PTPRD: variants seen among roughly 807,000 people sequenced by gnomAD.
PTPRD encodes protein tyrosine phosphatase receptor type D.
A neutral mutation model predicts 214.5 loss-of-function variants in PTPRD; 34 were observed. That is an observed-to-expected ratio of 0.16 (90% CI 0.12 to 0.21). The LOEUF is 0.21. PTPRD is among the 10% of genes least tolerant of loss of function. The pLI is 1.00. For synonymous variants in PTPRD, 1,128 were observed against 845.7 expected (o/e 1.33, Z -5.79); for missense variants, 2,545 against 2,398.7 (o/e 1.06, Z -1.27).
At position 9,297,167 on chromosome 9, in the gene PTPRD, C is replaced by G. The variant is rs73641296; in HGVS notation, c.-203+100282G>C. ...TTCTCCAGAAATTTCCCCTTTATCT[C>G]CAGAGCCTCTTGGTCTTGTATCAAA... On this transcript the variant is annotated intron_variant, in intron 9 of 45. Coordinates refer to ENST00000381196, the MANE Select transcript of PTPRD (RefSeq NM_002839.4). Among the ~76,000 whole-genome samples, 344 of 151,794 alleles carry G rather than the reference C, an allele frequency of 2.3e-3. 3 individuals carry two copies. The highest frequency in any genetic ancestry group is 8.0e-3 in the African/African-American group (330 of 41,482).
chr9:9,261,607 C>T (rs1218761706), intron 9 of PTPRD, among the ~76,000 whole-genome samples: 1 of 150,996 alleles, frequency 6.6e-6, no homozygotes, highest in Non-Finnish European at 1.5e-5. Flanking sequence ...AAGCAAACCT[C>T]TAATAATAAT....
chr9:10,611,713 A>T (rs2081018180), intron 2 of PTPRD, among the ~76,000 whole-genome samples: 1 of 152,146 alleles, frequency 6.6e-6, no homozygotes, highest in South Asian at 2.1e-4. Flanking sequence ...CGCTGTGTCA[A>T]AGTCACAGTC....
intron 11 of PTPRD, among the ~76,000 whole-genome samples, chr9:8,833,927 C>A (rs1037973272): frequency 1.7e-5 from 2 of 117,848 alleles, no homozygotes; most frequent in Admixed American, 9.3e-5. Context: ...TTAAAAACAC[C>A]GGGCATTTTA....
chr9:8,453,449 C>T (rs2096050332), intron 33 of PTPRD, among the ~76,000 whole-genome samples: 1 of 152,210 alleles, frequency 6.6e-6, no homozygotes, highest in African/African-American at 2.4e-5. Context: ...CAGGCGTGAG[C>T]CACCATGCCT....
chr9:8,827,929 T>C (rs1429106094), intron 11 of PTPRD, among the ~76,000 whole-genome samples: 1 of 152,176 alleles, frequency 6.6e-6, no homozygotes, highest in Non-Finnish European at 1.5e-5. Flanking sequence ...TAATATAATA[T>C]CTCAAAGCAC....
At chr9:10,056,306 G>A (rs1391566767) in intron 3 of PTPRD, among the ~76,000 whole-genome samples, 1 of 147,142 alleles carries the variant, frequency 6.8e-6, no homozygotes, top group East Asian at 2.1e-4. Flanking sequence ...GGGTGACAGA[G>A]AGAGACTCCA....
rs916459230 is a variant in PTPRD at position 10,159,714 on chromosome 9, C to CA, written c.-544-125925dup. On this transcript the variant is annotated intron_variant, in intron 3 of 45. Transcript: ENST00000381196. ...GGAAGTGAGAAATATATTTGCTGAG[C>CA]AAAAAAAAATTATTAGAGGCTCTTA... is the stretch of plus-strand genomic sequence containing the variant. Among the ~76,000 whole-genome samples, 24 of 147,088 alleles carry CA rather than the reference C, an allele frequency of 1.6e-4. 1 individual carries two copies. The highest frequency in any genetic ancestry group is 6.5e-4 in the South Asian group (3 of 4,646).
chr9:8,449,250 C>T (rs1025489410), intron 34 of PTPRD, among the ~76,000 whole-genome samples: 1 of 151,694 alleles, frequency 6.6e-6, no homozygotes, highest in African/African-American at 2.4e-5. Context: ...CATTTTCCTC[C>T]CTCCCTCCCT....
At chr9:10,100,998 G>T (rs1310752888) in intron 3 of PTPRD, among the ~76,000 whole-genome samples, 1 of 151,558 alleles carries the variant, frequency 6.6e-6, no homozygotes, top group Non-Finnish European at 1.5e-5. Context: ...TTTTCAAGTT[G>T]GCATTATAAT....
chr9:9,824,124 A>T (rs1027293829), intron 5 of PTPRD, among the ~76,000 whole-genome samples: 4 of 151,954 alleles, frequency 2.6e-5, no homozygotes, highest in African/African-American at 9.7e-5. Flanking sequence ...TGATAAATGA[A>T]TTTTTTGTTT....
chr9:8,353,456 G>A (rs912878307), intron 39 of PTPRD, among the ~76,000 whole-genome samples: 1 of 152,004 alleles, frequency 6.6e-6, no homozygotes, highest in East Asian at 1.9e-4. Context: ...ATGAGATGGA[G>A]TCTCACTCTG....
chr9:8,811,527 C>A (rs371711305), intron 11 of PTPRD, among the ~76,000 whole-genome samples: 10 of 152,254 alleles, frequency 6.6e-5, no homozygotes, highest in African/African-American at 2.2e-4. Flanking sequence ...CAAGCCCAAT[C>A]GGGAAACAGT....
intron 2 of PTPRD, among the ~76,000 whole-genome samples, chr9:10,565,895 T>A (rs1460832804): frequency 1.3e-5 from 2 of 151,892 alleles, no homozygotes; most frequent in Non-Finnish European, 2.9e-5. Context: ...TTCAAGCCCC[T>A]CCTTTTTCTC....
chr9:9,712,694 G>T (rs969568738), intron 7 of PTPRD, among the ~76,000 whole-genome samples: 3 of 152,102 alleles, frequency 2.0e-5, no homozygotes, highest in Non-Finnish European at 4.4e-5. Flanking sequence ...GCTGACAAAA[G>T]TTCTCTTAGT....
At chr9:9,056,436 A>G (rs967649796) in intron 10 of PTPRD, among the ~76,000 whole-genome samples, 3 of 152,186 alleles carry the variant, frequency 2.0e-5, no homozygotes, top group Non-Finnish European at 2.9e-5. Context: ...ATCAGTGTGA[A>G]GTAAGTGCTG....
intron 4 of PTPRD, 25 bp from the exon 5 acceptor site, chr9:9,938,635 AT>A (rs2090395863): frequency 6.6e-6 from 1 of 152,162 alleles, no homozygotes; most frequent in African/African-American, 2.4e-5. Context: ...AGTGTCAGTC[AT>A]TTCTTCATGT....
At chr9:10,547,041 A>G (rs1331962505) in intron 2 of PTPRD, among the ~76,000 whole-genome samples, 2 of 152,086 alleles carry the variant, frequency 1.3e-5, no homozygotes, top group Non-Finnish European at 2.9e-5. Flanking sequence ...CAAGACTCCA[A>G]TATAATAGTC....
chr9:8,508,634 G>A (rs1043418174), intron 21 of PTPRD, among the ~76,000 whole-genome samples: 4 of 152,100 alleles, frequency 2.6e-5, no homozygotes, highest in Non-Finnish European at 5.9e-5. Context: ...CATCTAAAGT[G>A]TGCTTTAAAA....
chr9:9,489,074 C>A (rs1448657397), intron 8 of PTPRD, among the ~76,000 whole-genome samples: 1 of 152,104 alleles, frequency 6.6e-6, no homozygotes, highest in Non-Finnish European at 1.5e-5. Context: ...CTTTTTACTC[C>A]ATTTTTCTCT....
Sources: allele counts gnomAD v4.1 joint callset (sites outside exome capture counted in the v4.1 genomes callset), GRCh38; gene constraint gnomAD v4.1.1; transcripts MANE v1.5; gene names NCBI Gene and HGNC (gene_info 2026-07-23, HGNC 2026-07-21).